The following PZP variants were observed in gnomAD, a reference collection of about 807,000 sequenced individuals.
PZP encodes the protein pregnancy zone protein.
A neutral mutation model predicts 179.8 loss-of-function variants in PZP; 150 were observed. That is an observed-to-expected ratio of 0.83 (90% CI 0.73 to 0.96). The LOEUF (loss-of-function observed/expected upper bound fraction) is 0.96, where lower values mean the gene tolerates loss of function less well. PZP is among the 40% of genes least tolerant of loss of function. The pLI, the probability that PZP is intolerant of heterozygous loss-of-function variation, is 0.00. For synonymous variants in PZP, 624 were observed against 652.3 expected (o/e 0.96, Z 0.66); for missense variants, 1,689 against 1,764.0 (o/e 0.96, Z 0.76).
rs766845881 is a variant in PZP at position 9,194,561 on chromosome 12, C to T, written c.1093-323G>A. ...CTCACTGCAAGCTCTGCCTCCTGGACTCACGCCATTCTCCTGCCTCAGCCT... is the reference window on the plus strand; with the variant it reads ...CTCACTGCAAGCTCTGCCTCCTGGATTCACGCCATTCTCCTGCCTCAGCCT... On this transcript the variant is annotated intron_variant, in intron 10 of 35. Transcript: ENST00000261336. 3.3e-3 allele frequency among the ~76,000 whole-genome samples: 486 copies of T among 148,568 alleles called. 1 individual carries two copies. Among genetic ancestry groups the T allele is most frequent in the Middle Eastern group, 0.011 (3 of 282 alleles).
chr12:9,169,374 T>C, intron 16 of PZP, 56 bp downstream of exon 16: 1 of 1,444,386 alleles, frequency 6.9e-7, no homozygotes, highest in Non-Finnish European at 9.4e-7. Flanking sequence ...ATACAGAGTT[T>C]TATTAACATT....
At chr12:9,199,335 C>A (rs750234588) in intron 7 of PZP, among the ~76,000 whole-genome samples, 6 of 152,098 alleles carry the variant, frequency 3.9e-5, no homozygotes, top group Non-Finnish European at 7.4e-5. Flanking sequence ...ATCAGCGCAT[C>A]CTCCTTCCTC....
intron 15 of PZP, among the ~76,000 whole-genome samples, chr12:9,171,271 G>T (rs1401107283): frequency 6.6e-6 from 1 of 152,156 alleles, no homozygotes; most frequent in Non-Finnish European, 1.5e-5. Context: ...TGATAGAGTG[G>T]CTTGACTGCT....
At position 9,181,096 on chromosome 12, in the gene PZP, C is replaced by T. The variant is rs1437535606; in HGVS notation, c.1726G>A (p.Ala576Thr). Residue 576 changes from alanine to threonine, a missense_variant, in exon 15 of 36, where the codon GCC becomes ACC. Physicochemically the swap from Ala to Thr is moderately conservative, Grantham distance 58 (BLOSUM62 0). Coordinates refer to ENST00000261336, the MANE Select transcript of PZP (RefSeq NM_002864.3). ...GCTACTTGCAGGTGGGCATGTGAGG[C>T]TGGGGGACTTTGTGCTGGGCTGAAG... is the stretch of plus-strand genomic sequence containing the variant. ...LSFSPAQSPP[A>T]SHAHLQVAAA... 5 of 1,614,138 alleles carry T rather than the reference C, an allele frequency of 3.1e-6. No individual in the cohort carries two copies. Among genetic ancestry groups the T allele is most frequent in the Non-Finnish European group, 4.2e-6 (5 of 1,180,002 alleles).
At chr12:9,148,792 A>G, downstream of PZP, 1 of 579,698 alleles carries the variant, frequency 1.7e-6, no homozygotes, top group Non-Finnish European at 3.0e-6. Flanking sequence ...ATAACTCATC[A>G]TGTGAACATG....
At chr12:9,187,795 T>A (rs1943215388) in intron 13 of PZP, among the ~76,000 whole-genome samples, 1 of 152,222 alleles carries the variant, frequency 6.6e-6, no homozygotes, top group South Asian at 2.1e-4. Flanking sequence ...GCTGTGCAGG[T>A]GATCCATGCT....
chr12:9,152,194 G>A, intron 32 of PZP, 26 bp downstream of exon 32: 2 of 1,473,654 alleles, frequency 1.4e-6, no homozygotes, highest in South Asian at 1.1e-5. Flanking sequence ...TTTGTATGAA[G>A]TCTATTAGGA....
the PZP span, among the ~76,000 whole-genome samples, chr12:9,142,587 G>A: frequency 2.0e-5 from 3 of 152,076 alleles, no homozygotes; most frequent in Non-Finnish European, 4.4e-5. Context: ...ATTTTTCTTA[G>A]GCCAGTCAAT....
rs1321293304 is a variant in PZP at position 9,204,313 on chromosome 12, AC to A, written c.84-363del. ...TATCCATAAAAGTGCACGCACACAA[AC>A]ACACACACATATATAAAAAATTGGG... On this transcript the variant is annotated intron_variant, in intron 1 of 35. Transcript: ENST00000261336. Among the ~76,000 whole-genome samples the A allele has an allele frequency of 2.0e-5, 3 of 152,300 alleles. No homozygotes were observed. The East Asian group carries it at 5.8e-4, about 29-fold the overall frequency.
chr12:9,197,425 A>C (rs12823018), intron 7 of PZP, among the ~76,000 whole-genome samples: 30,891 of 135,898 alleles, frequency 0.23, 4,305 homozygotes, highest in Admixed American at 0.34. Flanking sequence ...AATTAAAATA[A>C]TTATTAATTA....
rs1292019644 is a variant in PZP, at chr12:9,194,143, A to G, written c.1188T>C (p.Asn396=). 1 of 1,614,064 alleles carries G rather than the reference A, an allele frequency of 6.2e-7. No homozygotes were observed. The highest frequency in any genetic ancestry group is 2.2e-5 in the East Asian group (1 of 44,862). Residue 396 remains asparagine (N), a synonymous_variant, in exon 11 of 36, where the codon AAT becomes AAC. Coordinates refer to ENST00000261336, the MANE Select transcript of PZP (RefSeq NM_002864.3). ...TTGAAAACTGTGCAAGACCCTGCTC[A>G]TTGGTGGTTGCATTGGAGTAATAAT... ...DANYYSNATT[N]EQGLAQFSIN... is the part of the protein sequence containing the mutation.
intron 29 of PZP, 119 bp downstream of exon 29, chr12:9,154,497 T>G: frequency 9.8e-7 from 1 of 1,019,202 alleles, no homozygotes; most frequent in Non-Finnish European, 1.4e-6. Flanking sequence ...CCTCAAATAT[T>G]CCTAAATACT....
At chr12:9,200,745 G>A (rs1434755279) in intron 6 of PZP, 147 bp downstream of exon 6, 7 of 863,192 alleles carry the variant, frequency 8.1e-6, no homozygotes, top group Non-Finnish European at 1.2e-5. Context: ...ATGAGCTTCT[G>A]TGTTCACACC....
chr12:9,153,989 C>T (rs1251879997), intron 29 of PZP, among the ~76,000 whole-genome samples: 1 of 152,170 alleles, frequency 6.6e-6, no homozygotes, highest in Non-Finnish European at 1.5e-5. Flanking sequence ...AAGAAGAGCA[C>T]TCTCAGGGAA....
rs746447678 is a variant in PZP at position 9,208,256 on chromosome 12, T to TA, written c.83+2dup. 7.7e-5 allele frequency: 124 copies of TA among 1,610,892 alleles called. 1 individual carries two copies. The South Asian group carries it at 9.5e-4, about 12-fold the overall frequency. On this transcript the variant is annotated splice_region_variant and intron_variant, in intron 1 of 35. Transcript: ENST00000261336. Reference sequence around the variant, plus strand: ...GGAGGAAGGGGTCTTGAGTGAGACTTACGGTTCTGTAGAGTTTGAGTCACT... The same window carrying TA: ...GGAGGAAGGGGTCTTGAGTGAGACTTAACGGTTCTGTAGAGTTTGAGTCACT...
intron 15 of PZP, among the ~76,000 whole-genome samples, chr12:9,180,295 A>T (rs1942671425): frequency 6.6e-6 from 1 of 152,172 alleles, no homozygotes; most frequent in Admixed American, 6.5e-5. Flanking sequence ...ATTGGAAAAA[A>T]CTACTTTAAA....
chr12:9,136,585 A>G, the PZP span, among the ~76,000 whole-genome samples: 1 of 152,204 alleles, frequency 6.6e-6, no homozygotes, highest in East Asian at 1.9e-4. Context: ...CATATATACA[A>G]ATATAGATGA....
rs143616823 is a variant in PZP, at chr12:9,157,223, G to A, written c.3502C>T (p.Gln1168Ter). ...AGTGAGTTCAGTATTTCTCTATTCT[G>A]ATTTTGCTTTCCCAGTAGGGAAAAA... ...YAFSLLGKQN[Q>*]NREILNSLDK... is the part of the protein sequence containing the mutation. Residue 1168 changes from glutamine to a stop codon, truncating the protein, a stop_gained, in exon 28 of 36, where the codon CAG (glutamine) becomes TAG (stop). Transcript: ENST00000261336. LOFTEE classifies it high-confidence loss of function. 2.8e-4 allele frequency: 454 copies of A among 1,614,052 alleles called. No individual in the cohort carries two copies. The African/African-American group carries it at 5.4e-3, about 19-fold the overall frequency.
At position 9,192,287 on chromosome 12, in the gene PZP, T is replaced by C. The variant is rs200883168; in HGVS notation, c.1483-31A>G. 2.1e-4 allele frequency: 338 copies of C among 1,600,952 alleles called. 1 individual carries two copies. The African/African-American group carries it at 4.1e-3, about 19-fold the overall frequency. ...ATGAAAAAACAGTGAAGGAAATTTC[T>C]TGAGCTGGACACAGTTCTCAGCCTT... On this transcript the variant is annotated intron_variant, in intron 12 of 35. Coordinates refer to ENST00000261336, the MANE Select transcript of PZP (RefSeq NM_002864.3).
Sources: allele counts gnomAD v4.1 joint callset (sites outside exome capture counted in the v4.1 genomes callset), GRCh38; gene constraint gnomAD v4.1.1; transcripts MANE v1.5; gene names NCBI Gene and HGNC (gene_info 2026-07-23, HGNC 2026-07-21).